Variants in PDE9A observed in about 807,000 individuals in gnomAD.
PDE9A encodes high affinity cGMP-specific 3',5'-cyclic phosphodiesterase 9A.
PDE9A carries 60 observed loss-of-function variants against 87.4 expected under a neutral mutation model. The ratio of observed to expected loss-of-function variants is 0.69; its 90% CI spans 0.56 to 0.85. The LOEUF (loss-of-function observed/expected upper bound fraction) is 0.85. Ranked by LOEUF, PDE9A falls within the 40% of genes least tolerant of loss-of-function variation. PDE9A has a pLI of 0.00. For missense variants in PDE9A, 665 were observed against 779.0 expected (o/e 0.85, Z 1.74); for synonymous variants, 272 against 279.4 (o/e 0.97, Z 0.27).
Position 42,760,650 on chromosome 21 carries a change from G to A in PDE9A, c.1003-175G>A, listed in dbSNP as rs948259174. Among the ~76,000 whole-genome samples the A allele has an allele frequency of 2.6e-5, 4 of 151,758 alleles. No individual in the cohort carries two copies. Among genetic ancestry groups the A allele is most frequent in the African/African-American group, 9.7e-5 (4 of 41,310 alleles). ...CGAGAGCAGGTGAGTCCCCGACCTG[G>A]TCACCCCCCCAACCCCCACAGGCAG... is the stretch of plus-strand genomic sequence containing the variant. On this transcript the variant is annotated intron_variant, in intron 12 of 19. Coordinates refer to ENST00000291539, the MANE Select transcript of PDE9A (RefSeq NM_002606.3). The surrounding 1 kb of genome is among the most constrained non-coding windows in gnomAD (Gnocchi z 5.2).
chr21:42,768,029 G>A (rs1423403740), intron 15 of PDE9A, among the ~76,000 whole-genome samples, 159 bp from the exon 16 acceptor site: 3 of 152,230 alleles, frequency 2.0e-5, no homozygotes, highest in African/African-American at 7.2e-5. Flanking sequence ...TCTCCATTGA[G>A]AAGGGAGCCT....
chr21:42,733,032 G>A (rs931605694), intron 6 of PDE9A, among the ~76,000 whole-genome samples: 2 of 152,242 alleles, frequency 1.3e-5, no homozygotes, highest in African/African-American at 4.8e-5. Context: ...GCGGGGACTG[G>A]ACCATCTCAA....
chr21:42,676,001 G>A (rs1269301819), intron 1 of PDE9A, among the ~76,000 whole-genome samples: 1 of 152,158 alleles, frequency 6.6e-6, no homozygotes, highest in African/African-American at 2.4e-5. Flanking sequence ...ATTCTTGCAA[G>A]ATCTGGTTGT....
chr21:42,763,725 C>T (rs1257005240), intron 14 of PDE9A, among the ~76,000 whole-genome samples: 1 of 152,202 alleles, frequency 6.6e-6, no homozygotes, highest in Non-Finnish European at 1.5e-5. Context: ...TGGCTTCCTT[C>T]CAGAGGCAGC....
chr21:42,670,265 A>T (rs540776586), intron 1 of PDE9A, among the ~76,000 whole-genome samples: 1 of 146,662 alleles, frequency 6.8e-6, no homozygotes, highest in Non-Finnish European at 1.5e-5. Flanking sequence ...ACATTCACAC[A>T]CATATTCACA....
rs1473727589 is a variant in PDE9A at position 42,723,665 on chromosome 21, T to C, written c.263-8105T>C. ...GGGGGACAGCTTCCTTTGGAGAACA[T>C]GTGAGTTGTCTGTGAATATCAGCTT... is the stretch of plus-strand genomic sequence containing the variant. On this transcript the variant is annotated intron_variant, in intron 4 of 19. Transcript: ENST00000291539. This position sits in a 1 kb window ranked among gnomAD's most constrained non-coding sequence, Gnocchi z 4.3. Among the ~76,000 whole-genome samples the C allele has an allele frequency of 2.0e-5, 3 of 152,184 alleles. No individual in the cohort carries two copies. The highest frequency in any genetic ancestry group is 4.4e-5 in the Non-Finnish European group (3 of 68,034).
At chr21:42,707,149 G>T (rs888364892) in intron 4 of PDE9A, among the ~76,000 whole-genome samples, 3 of 152,162 alleles carry the variant, frequency 2.0e-5, no homozygotes, top group African/African-American at 7.2e-5. Flanking sequence ...GGTATTTTGA[G>T]GTACATTGGA....
At chr21:42,768,780 C>T in intron 16 of PDE9A, 1 of 985,402 alleles carries the variant, frequency 1.0e-6, no homozygotes, top group Non-Finnish European at 1.2e-6. Context: ...TGCTGCCGTC[C>T]TGGGATACAT....
intron 1 of PDE9A, among the ~76,000 whole-genome samples, chr21:42,685,587 C>T (rs2059417085): frequency 6.6e-6 from 1 of 151,330 alleles, no homozygotes; most frequent in Admixed American, 6.6e-5. Flanking sequence ...CCGGCTCAGC[C>T]TCCCGAGTAG....
At chr21:42,733,273 C>T in intron 6 of PDE9A, 83 bp from the exon 7 acceptor site, 1 of 791,834 alleles carries the variant, frequency 1.3e-6, no homozygotes, top group Admixed American at 1.9e-5. Context: ...ACAGCAGGGA[C>T]TCAGTAGGTG....
chr21:42,769,763 C>A (rs1467757319), intron 17 of PDE9A, among the ~76,000 whole-genome samples: 1 of 152,120 alleles, frequency 6.6e-6, no homozygotes, highest in African/African-American at 2.4e-5. Flanking sequence ...CAGGTATGCA[C>A]ATGCACGCAC....
chr21:42,739,452 C>T lies in PDE9A; in HGVS notation c.569-4324C>T, dbSNP rs1041945704. 1.3e-5 allele frequency among the ~76,000 whole-genome samples: 2 copies of T among 152,214 alleles called. No homozygotes were observed. The highest frequency in any genetic ancestry group is 2.9e-5 in the Non-Finnish European group (2 of 68,034). ...GGACCCCCGGGGACACAGGCACACA[C>T]ATCCACCACATGCTCACCTCTGCCT... is the stretch of plus-strand genomic sequence containing the variant. On this transcript the variant is annotated intron_variant, in intron 7 of 19. Coordinates refer to ENST00000291539, the MANE Select transcript of PDE9A (RefSeq NM_002606.3). The surrounding 1 kb of genome is among the most constrained non-coding windows in gnomAD (Gnocchi z 4.1).
intron 4 of PDE9A, among the ~76,000 whole-genome samples, chr21:42,711,000 T>C (rs2049285949): frequency 6.6e-6 from 1 of 152,224 alleles, no homozygotes; most frequent in Non-Finnish European, 1.5e-5. Flanking sequence ...AAAAAATATG[T>C]AAAAAGGATT....
rs1391162412 is a variant in PDE9A at position 42,659,237 on chromosome 21, G to A, written c.69+5354G>A. Among the ~76,000 whole-genome samples the A allele has an allele frequency of 6.6e-6, 1 of 152,162 alleles. No homozygotes were observed. The highest frequency in any genetic ancestry group is 2.4e-5 in the African/African-American group (1 of 41,428). On this transcript the variant is annotated intron_variant, in intron 1 of 19. Transcript: ENST00000291539. This position sits in a 1 kb window ranked among gnomAD's most constrained non-coding sequence, Gnocchi z 4.1. Reference sequence around the variant, plus strand: ...TTTAGCCAGACATTTCCAATGTCCAGAGGCCCAGGAGGGGACAGCTGGAAG... The same window carrying A: ...TTTAGCCAGACATTTCCAATGTCCAAAGGCCCAGGAGGGGACAGCTGGAAG...
rs2057401688 is a variant in PDE9A at position 42,660,510 on chromosome 21, G to A, written c.69+6627G>A. Among the ~76,000 whole-genome samples, 1 of 151,924 alleles carries A rather than the reference G, an allele frequency of 6.6e-6. No homozygotes were observed. The highest frequency in any genetic ancestry group is 1.5e-5 in the Non-Finnish European group (1 of 68,016). On this transcript the variant is annotated intron_variant, in intron 1 of 19. Coordinates refer to ENST00000291539, the MANE Select transcript of PDE9A (RefSeq NM_002606.3). The surrounding 1 kb of genome is among the most constrained non-coding windows in gnomAD (Gnocchi z 4.7). The stretch of plus-strand genomic sequence containing the variant: ...CACAGGGTGGTGGATGAAAGACCAC[G>A]CTCTGGGTACCGTGTACACCGCTCG...
chr21:42,670,099 TCA>T (rs1165541860), intron 1 of PDE9A, among the ~76,000 whole-genome samples: 12 of 151,064 alleles, frequency 7.9e-5, no homozygotes, highest in African/African-American at 9.8e-5. Context: ...TCTCATACAC[TCA>T]CACATATGCT....
intron 3 of PDE9A, among the ~76,000 whole-genome samples, chr21:42,690,833 C>T (rs139589725): frequency 1.8e-4 from 28 of 152,266 alleles, no homozygotes; most frequent in African/African-American, 6.5e-4. Context: ...CCATGCCCAG[C>T]CCACAGGATC....
chr21:42,749,109 A>T (rs2054176174), intron 8 of PDE9A, among the ~76,000 whole-genome samples: 1 of 152,184 alleles, frequency 6.6e-6, no homozygotes. Flanking sequence ...CTGTGTGCAT[A>T]GAGCTGTTTG....
chr21:42,754,312 G>A (rs1336142703), intron 10 of PDE9A, among the ~76,000 whole-genome samples: 1 of 152,194 alleles, frequency 6.6e-6, no homozygotes, highest in Non-Finnish European at 1.5e-5. Context: ...CAGGGGCAGG[G>A]AGGCTCCACC....
Sources: gnomAD v4.1 joint callset for allele counts (sites outside exome capture counted in the v4.1 genomes callset) on GRCh38, gnomAD v4.1.1 for gene constraint, Gnocchi (gnomAD v3.1) non-coding constraint, MANE v1.5 for transcripts, NCBI Gene and HGNC (gene_info 2026-07-23, HGNC 2026-07-21) for gene names.